RAB33A: variants seen among roughly 807,000 people sequenced by gnomAD.
RAB33A encodes the protein ras-related protein Rab-33A.
A neutral mutation model predicts 12.0 loss-of-function variants in RAB33A; 6 were observed. The ratio of observed to expected loss-of-function variants is 0.50; its 90% CI spans 0.27 to 0.99. The LOEUF (loss-of-function observed/expected upper bound fraction) is 0.99, where lower values mean the gene tolerates loss of function less well. Ranked by LOEUF, RAB33A falls within the 50% of genes least tolerant of loss-of-function variation. The pLI is 0.11. For missense variants in RAB33A, 109 were observed against 192.0 expected (o/e 0.57, Z 2.55); for synonymous variants, 70 against 82.4 (o/e 0.85, Z 0.81).
the RAB33A span, among the ~76,000 whole-genome samples, chrX:130,111,518 T>C: frequency 1.8e-5 from 2 of 112,438 alleles, no homozygotes; most frequent in Non-Finnish European, 3.8e-5. Context: ...TATGCCCGAC[T>C]CCGCAGAATC....
At chrX:130,119,266 A>G in the RAB33A span, among the ~76,000 whole-genome samples, 1 of 111,379 alleles carries the variant, frequency 9.0e-6, no homozygotes, top group Non-Finnish European at 1.9e-5. Flanking sequence ...CAAAATTCCC[A>G]TCTCTGCAGC....
chrX:130,134,388 G>C, the RAB33A span, among the ~76,000 whole-genome samples: 1 of 111,382 alleles, frequency 9.0e-6, no homozygotes, highest in African/African-American at 3.3e-5. Flanking sequence ...TCTATATGTA[G>C]AAACCAGTTT....
chrX:130,133,511 A>G, the RAB33A span: 6 of 1,176,038 alleles, frequency 5.1e-6, no homozygotes, highest in Non-Finnish European at 4.6e-6. Flanking sequence ...AAGCAAGTTA[A>G]AGACAAAATA....
chrX:130,116,511 A>G, the RAB33A span, among the ~76,000 whole-genome samples: 1 of 111,188 alleles, frequency 9.0e-6, no homozygotes, highest in African/African-American at 3.3e-5. Flanking sequence ...CCAGGCTGGT[A>G]TCGAACTCCT....
chrX:130,119,184 T>C, the RAB33A span, among the ~76,000 whole-genome samples: 1 of 110,465 alleles, frequency 9.1e-6, no homozygotes, highest in Admixed American at 9.6e-5. Flanking sequence ...CACCAGACCC[T>C]GGGATCGTCC....
At chrX:130,163,111 C>A in the RAB33A span, among the ~76,000 whole-genome samples, 3 of 109,804 alleles carry the variant, frequency 2.7e-5, no homozygotes, top group African/African-American at 9.9e-5. Context: ...GAGTTTGAGA[C>A]CAGCCTGGCC....
At chrX:130,162,172 G>A in the RAB33A span, among the ~76,000 whole-genome samples, 1 of 112,023 alleles carries the variant, frequency 8.9e-6, no homozygotes, top group African/African-American at 3.2e-5. Flanking sequence ...CATGTCCTCA[G>A]GTAGTGTTTA....
the RAB33A span, among the ~76,000 whole-genome samples, chrX:130,144,822 T>C: frequency 4.1e-4 from 46 of 112,723 alleles, no homozygotes; most frequent in South Asian, 4.4e-3. Flanking sequence ...ATTACCGGCT[T>C]ATCAACAAAC....
the RAB33A span, among the ~76,000 whole-genome samples, chrX:130,127,691 C>CTTTTTTTTTTTTTTT: frequency 3.9e-5 from 3 of 77,040 alleles, no homozygotes; most frequent in Admixed American, 1.7e-4. Flanking sequence ...ATGAGTTTTC[C>CTTTTTTTTTTTTTTT]TTTTTTTTTT....
the RAB33A span, chrX:130,145,588 G>A: frequency 9.0e-7 from 1 of 1,110,517 alleles, no homozygotes; most frequent in Non-Finnish European, 1.2e-6. Flanking sequence ...AGAAGAGAGG[G>A]AGAATATTAT....
At chrX:130,173,723 G>A (rs746676017) in intron 1 of RAB33A, among the ~76,000 whole-genome samples, 6 of 111,981 alleles carry the variant, frequency 5.4e-5, no homozygotes, top group East Asian at 5.6e-4. Context: ...AGTCAAAGGC[G>A]GTATCTGTCT....
chrX:130,150,206 C>T, the RAB33A span, among the ~76,000 whole-genome samples: 2 of 111,350 alleles, frequency 1.8e-5, no homozygotes, highest in Admixed American at 9.5e-5. Context: ...TTAAACACAC[C>T]TGTTACATTT....
chrX:130,169,445 T>G (rs1046539105), upstream of RAB33A, among the ~76,000 whole-genome samples: 6 of 111,953 alleles, frequency 5.4e-5, no homozygotes, highest in South Asian at 1.5e-3. Context: ...AATTTAATAA[T>G]GCACAATTAA....
At chrX:130,167,609 G>C (rs1419980018), upstream of RAB33A, among the ~76,000 whole-genome samples, 1 of 112,491 alleles carries the variant, frequency 8.9e-6, no homozygotes, top group Non-Finnish European at 1.9e-5. Flanking sequence ...CGGGCGCCAT[G>C]GCATGCGCCT....
the RAB33A span, among the ~76,000 whole-genome samples, chrX:130,158,470 C>G: frequency 9.1e-6 from 1 of 109,903 alleles, no homozygotes; most frequent in Non-Finnish European, 1.9e-5. Context: ...GCCCCAGGCC[C>G]AGAGGTTCTG....
the RAB33A span, among the ~76,000 whole-genome samples, chrX:130,116,216 C>T: frequency 9.3e-6 from 1 of 107,354 alleles, no homozygotes; most frequent in African/African-American, 3.4e-5. Flanking sequence ...AGTGATTCTC[C>T]TGCCTCAGCC....
At chrX:130,136,879 G>T in the RAB33A span, 1 of 1,018,245 alleles carries the variant, frequency 9.8e-7, no homozygotes, top group Non-Finnish European at 1.4e-6. Context: ...TACACCCATG[G>T]TTCATTTTCA....
chrX:130,147,778 T>G, the RAB33A span: 1 of 1,212,126 alleles, frequency 8.2e-7, no homozygotes, highest in Non-Finnish European at 1.1e-6. Flanking sequence ...CGAGCCCGGA[T>G]GGATCTGGCT....
chrX:130,173,924 C>T (rs1207201726), intron 1 of RAB33A, among the ~76,000 whole-genome samples: 1 of 111,761 alleles, frequency 8.9e-6, no homozygotes, highest in East Asian at 2.8e-4. Context: ...AAATCAAGTG[C>T]TACAGTGAGC....
Sources: allele counts gnomAD v4.1 joint callset (sites outside exome capture counted in the v4.1 genomes callset), GRCh38; gene constraint gnomAD v4.1.1; transcripts MANE v1.5; gene names NCBI Gene and HGNC (gene_info 2026-07-23, HGNC 2026-07-21).